The following MEF2A variants were observed in gnomAD, a reference collection of about 807,000 sequenced individuals.
The protein encoded by MEF2A is myocyte-specific enhancer factor 2A.
Under a neutral mutation model 55.8 loss-of-function variants are expected in MEF2A, and 28 were observed. The observed-to-expected ratio is 0.50, with a 90% CI of 0.37 to 0.69. The LOEUF (loss-of-function observed/expected upper bound fraction) is 0.69. Ranked by LOEUF, MEF2A falls within the 30% of genes least tolerant of loss-of-function variation. The pLI is 0.00. For synonymous variants in MEF2A, 239 were observed against 227.1 expected (o/e 1.05, Z -0.47); for missense variants, 528 against 626.2 (o/e 0.84, Z 1.67).
intron 4 of MEF2A, among the ~76,000 whole-genome samples, chr15:99,653,573 G>A (rs1005258323): frequency 6.6e-6 from 1 of 152,104 alleles, no homozygotes; most frequent in African/African-American, 2.4e-5. Context: ...CACTGATTGT[G>A]TATGCTAAGG....
At chr15:99,678,254 T>C (rs1327339432) in intron 7 of MEF2A, among the ~76,000 whole-genome samples, 8 of 152,288 alleles carry the variant, frequency 5.3e-5, no homozygotes, top group Non-Finnish European at 1.0e-4. Flanking sequence ...TCTAGCCAGA[T>C]TGTTTTGTTA....
intron 8 of MEF2A, among the ~76,000 whole-genome samples, chr15:99,691,198 A>G (rs1043077514): frequency 6.6e-6 from 1 of 150,782 alleles, no homozygotes; most frequent in Admixed American, 6.6e-5. Context: ...CAACAGAGAC[A>G]GAGGGAGGGG....
At chr15:99,665,034 C>G (rs1205895593) in intron 4 of MEF2A, among the ~76,000 whole-genome samples, 1 of 152,048 alleles carries the variant, frequency 6.6e-6, no homozygotes, top group African/African-American at 2.4e-5. Context: ...GGCCAGTATC[C>G]ACAGGGTGAC....
chr15:99,685,890 GTTC>G lies in MEF2A; in HGVS notation c.671-4345_671-4343del, dbSNP rs2054124031. Among the ~76,000 whole-genome samples, 3 of 152,204 alleles carry G rather than the reference GTTC, an allele frequency of 2.0e-5. 1 individual carries two copies. Among genetic ancestry groups the G allele is most frequent in the African/African-American group, 7.2e-5 (3 of 41,514 alleles). ...GAATGGTAAAATAAGATTGGTACTA[GTTC>G]TTCTTTGAATGCTTGATAGAATTCG... On this transcript the variant is annotated intron_variant, in intron 7 of 11. Coordinates refer to ENST00000557942, the MANE Select transcript of MEF2A (RefSeq NM_001319206.4).
At chr15:99,594,459 CTTT>C (rs67846200) in intron 1 of MEF2A, among the ~76,000 whole-genome samples, 199 of 124,354 alleles carry the variant, frequency 1.6e-3, no homozygotes, top group South Asian at 6.6e-3. Flanking sequence ...TCCTTTCTTT[CTTT>C]TTTTTTTTTT....
chr15:99,636,498 A>G (rs1287549652), intron 3 of MEF2A, among the ~76,000 whole-genome samples: 2 of 151,632 alleles, frequency 1.3e-5, no homozygotes, highest in Non-Finnish European at 3.0e-5. Context: ...GGCATGTACC[A>G]CTAGGGCCGA....
intron 8 of MEF2A, 63 bp from the exon 9 acceptor site, chr15:99,703,299 A>T: frequency 6.4e-7 from 1 of 1,551,604 alleles, no homozygotes; most frequent in Middle Eastern, 1.7e-4. Flanking sequence ...CTAAAGAAAT[A>T]TTTTGTTTGT....
At chr15:99,605,879 A>C (rs1226759500) in intron 2 of MEF2A, among the ~76,000 whole-genome samples, 3 of 152,176 alleles carry the variant, frequency 2.0e-5, no homozygotes. Context: ...CTTAGGCAGG[A>C]GGATCACTTG....
At chr15:99,702,682 T>A (rs562090817) in intron 8 of MEF2A, among the ~76,000 whole-genome samples, 2 of 152,282 alleles carry the variant, frequency 1.3e-5, no homozygotes, top group South Asian at 4.1e-4. Flanking sequence ...CCCAGCCTTA[T>A]TTCTTTTCTT....
chr15:99,646,251 A>G (rs1472359696), intron 4 of MEF2A, among the ~76,000 whole-genome samples: 6 of 152,226 alleles, frequency 3.9e-5, no homozygotes, highest in Non-Finnish European at 2.9e-5. Flanking sequence ...TCTGCTGCCT[A>G]TTTGATAGCT....
intron 4 of MEF2A, among the ~76,000 whole-genome samples, chr15:99,648,237 G>A (rs1009346943): frequency 6.6e-6 from 1 of 152,116 alleles, no homozygotes; most frequent in Non-Finnish European, 1.5e-5. Flanking sequence ...TGGGAAGCAG[G>A]CTTTTTGATG....
At chr15:99,693,223 T>C (rs921778876) in intron 8 of MEF2A, among the ~76,000 whole-genome samples, 1 of 152,042 alleles carries the variant, frequency 6.6e-6, no homozygotes, top group African/African-American at 2.4e-5. Context: ...CATGCTGAAA[T>C]ACAAAGAGAA....
intron 8 of MEF2A, among the ~76,000 whole-genome samples, chr15:99,702,349 A>AAACAAGT (rs1346246710): frequency 6.6e-6 from 1 of 152,226 alleles, no homozygotes; most frequent in Non-Finnish European, 1.5e-5. Flanking sequence ...TACTCAAGTA[A>AAACAAGT]AACAAGTAAA....
intron 9 of MEF2A, among the ~76,000 whole-genome samples, chr15:99,706,177 T>C (rs2058021001): frequency 6.6e-6 from 1 of 152,194 alleles, no homozygotes; most frequent in African/African-American, 2.4e-5. Flanking sequence ...TATGAAGGGA[T>C]ACATGTCCGA....
At chr15:99,633,938 C>G (rs2043334457) in intron 3 of MEF2A, among the ~76,000 whole-genome samples, 1 of 152,178 alleles carries the variant, frequency 6.6e-6, no homozygotes, top group African/African-American at 2.4e-5. Context: ...GCCCCAGAAA[C>G]TATATGGTCC....
At chr15:99,694,869 T>C (rs2153737005) in intron 8 of MEF2A, among the ~76,000 whole-genome samples, 1 of 152,336 alleles carries the variant, frequency 6.6e-6, no homozygotes, top group East Asian at 1.9e-4. Context: ...TTTATTTTAA[T>C]ACTTTGGTTT....
intron 2 of MEF2A, among the ~76,000 whole-genome samples, chr15:99,607,036 A>G (rs1385817448): frequency 6.6e-6 from 1 of 152,362 alleles, no homozygotes; most frequent in East Asian, 1.9e-4. Flanking sequence ...TGTTTCTCAA[A>G]TGAAGCCAGA....
rs1226726746 is a variant in MEF2A at position 99,645,626 on chromosome 15, CTG to C, written c.123_124del (p.Cys41Ter). The C allele has an allele frequency of 3.7e-6, 6 of 1,613,656 alleles. No homozygotes were observed. The highest frequency in any genetic ancestry group is 5.1e-6 in the Non-Finnish European group (6 of 1,179,760). Reference sequence around the variant, plus strand: ...CCTATGAACTTAGTGTGCTCTGTGACTGTGAAATAGCACTCATCATTTTCAAC... The same window carrying C: ...CCTATGAACTTAGTGTGCTCTGTGACTGAAATAGCACTCATCATTTTCAAC... ...KAYELSVLCD[C>X]EIALIIFNSS... On this transcript the variant is annotated frameshift_variant, in exon 4 of 12. Coordinates refer to ENST00000557942, the MANE Select transcript of MEF2A (RefSeq NM_001319206.4). LOFTEE classifies it high-confidence loss of function.
intron 1 of MEF2A, among the ~76,000 whole-genome samples, chr15:99,571,265 T>A (rs971853506): frequency 2.0e-5 from 3 of 152,176 alleles, no homozygotes; most frequent in African/African-American, 7.2e-5. Context: ...TGTTCTTATT[T>A]AGTTACTTGC....
Sources: allele counts gnomAD v4.1 joint callset (sites outside exome capture counted in the v4.1 genomes callset), GRCh38; gene constraint gnomAD v4.1.1; transcripts MANE v1.5; gene names NCBI Gene and HGNC (gene_info 2026-07-23, HGNC 2026-07-21).